EPHB4: variants seen among roughly 807,000 people sequenced by gnomAD.
EPHB4 encodes ephrin type-B receptor 4.
EPHB4 carries 50 observed loss-of-function variants against 110.6 expected under a neutral mutation model. That is an observed-to-expected ratio of 0.45 (90% CI 0.36 to 0.57). EPHB4 has a LOEUF of 0.57. EPHB4 is among the 20% of genes least tolerant of loss of function. The pLI is 0.00. For synonymous variants in EPHB4, 592 were observed against 578.4 expected (o/e 1.02, Z -0.34); for missense variants, 1,128 against 1,382.1 (o/e 0.82, Z 2.91).
At position 100,813,828 on chromosome 7, in the gene EPHB4, G is replaced by A. The variant is rs1813004080; in HGVS notation, c.1691+91C>T. The A allele has an allele frequency of 3.7e-6, 6 of 1,602,202 alleles. No individual in the cohort carries two copies. The South Asian group carries it at 4.4e-5, about 12-fold the overall frequency. On this transcript the variant is annotated intron_variant, in intron 9 of 16. Coordinates refer to ENST00000358173, the MANE Select transcript of EPHB4 (RefSeq NM_004444.5). The stretch of plus-strand genomic sequence containing the variant: ...AGAAGATTTCAAGTAAAAAGAGGCT[G>A]GGGACAGCCAGAAAGGCTTGTCCTG...
chr7:100,807,457 C>A lies in EPHB4; in HGVS notation c.2242G>T (p.Val748Phe). The change falls in exon 13 of 17, where the codon GTC becomes TTC. Residue 748 changes from valine to phenylalanine, a missense_variant. Coordinates refer to ENST00000358173, the MANE Select transcript of EPHB4 (RefSeq NM_004444.5). ...ACTTTGCAGACGAGGTTGCTGTTGA[C>A]TAGGATGTTGCGAGCAGCCAGGTCT... ...HRDLAARNILVNSNLVCKVSD... is the reference protein window; with the variant it reads ...HRDLAARNILFNSNLVCKVSD... 6.2e-7 allele frequency: 1 copy of A among 1,613,966 alleles called. No homozygotes were observed. The highest frequency in any genetic ancestry group is 8.5e-7 in the Non-Finnish European group (1 of 1,179,998).
chr7:100,805,140 C>A (rs367985931), intron 16 of EPHB4, 26 bp downstream of exon 16: 18 of 1,607,136 alleles, frequency 1.1e-5, no homozygotes, highest in Non-Finnish European at 1.5e-5. Context: ...TCTCCCAGCC[C>A]CACTCCAGCT....
At chr7:100,826,854 A>T in intron 1 of EPHB4, 125 bp downstream of exon 1, 1 of 825,158 alleles carries the variant, frequency 1.2e-6, no homozygotes, top group Non-Finnish European at 1.7e-6. Flanking sequence ...ATCGGTCCGA[A>T]GTGTTTGGGA....
In EPHB4 at chr7:100,823,701, G is replaced by A. The variant is rs200452203; in HGVS notation, c.354C>T (p.Ser118=). The change falls in exon 3 of 17, where the codon AGC becomes AGT. Residue 118 remains serine, a synonymous_variant. Transcript: ENST00000358173. ...TGAGGGCCGTGGCCGTGTCCGCATC[G>A]CTCTCATAGTAGAAGACGGTGAAGG... ...KETFTVFYYE[S]DADTATALTP... 13 of 1,613,546 alleles carry A rather than the reference G, an allele frequency of 8.1e-6. No homozygotes were observed. The East Asian group carries it at 1.3e-4, about 17-fold the overall frequency.
In EPHB4 at chr7:100,808,673, CTTGACCT is replaced by C. The variant is rs770441919; in HGVS notation, c.2119-1100_2119-1094del. On this transcript the variant is annotated intron_variant, in intron 12 of 16. Transcript: ENST00000358173. The stretch of plus-strand genomic sequence containing the variant: ...CAAAAACCAAGGTCTGAAGCCCAAC[CTTGACCT>C]TTAAAGAGTTTGCTCTCACCAGGGA... Among the ~76,000 whole-genome samples, 119 of 152,302 alleles carry C rather than the reference CTTGACCT, an allele frequency of 7.8e-4. 1 individual carries two copies. Among genetic ancestry groups the C allele is most frequent in the Non-Finnish European group, 1.4e-3 (94 of 68,032 alleles).
chr7:100,817,701 C>T (rs1001493373), intron 7 of EPHB4, among the ~76,000 whole-genome samples: 6 of 151,470 alleles, frequency 4.0e-5, no homozygotes, highest in Non-Finnish European at 7.4e-5. Context: ...GCTGATTTTG[C>T]TATTTGTAGT....
At chr7:100,817,769 T>C (rs898840743) in intron 7 of EPHB4, among the ~76,000 whole-genome samples, 1 of 151,812 alleles carries the variant, frequency 6.6e-6, no homozygotes, top group Non-Finnish European at 1.5e-5. Context: ...ACCCCAGGTG[T>C]TCTACCCACC....
intron 15 of EPHB4, 36 bp downstream of exon 15, chr7:100,805,465 G>C (rs1402410895): frequency 7.8e-6 from 12 of 1,530,682 alleles, no homozygotes; most frequent in Non-Finnish European, 9.7e-6. Context: ...TGGGGGCAGA[G>C]AGCGGGAAGG....
At chr7:100,803,614 G>T (rs777665533) in intron 16 of EPHB4, 24 bp from the exon 17 acceptor site, 13 of 1,583,226 alleles carry the variant, frequency 8.2e-6, no homozygotes, top group Non-Finnish European at 9.5e-6. Flanking sequence ...GGAGAGCTTG[G>T]TGAGACCCTA....
At chr7:100,825,177 CAGGAG>C (rs1813345767) in intron 1 of EPHB4, 1 of 152,058 alleles carries the variant, frequency 6.6e-6, no homozygotes, top group Non-Finnish European at 1.5e-5. Context: ...ATGGGAGCTG[CAGGAG>C]AGAAGAGAAA....
At chr7:100,816,122 C>T (rs562310857) in intron 8 of EPHB4, among the ~76,000 whole-genome samples, 10 of 145,950 alleles carry the variant, frequency 6.9e-5, no homozygotes, top group Non-Finnish European at 1.4e-4. Flanking sequence ...GCTGAGATCG[C>T]GCCACCGCAC....
chr7:100,817,254 G>C lies in EPHB4; in HGVS notation c.1526C>G (p.Ala509Gly), dbSNP rs146937374. Residue 509 changes from alanine to glycine, a missense_variant, in exon 8 of 17, where the codon GCG (alanine) becomes GGG (glycine). This residue lies in a region of EPHB4 where 728 missense variants were observed against 828.6 expected (regional missense o/e 0.88). Coordinates refer to ENST00000358173, the MANE Select transcript of EPHB4 (RefSeq NM_004444.5). ...RGASYLVQVR[A>G]RSEAGYGPFG... ...GGGCCCGTAGCCGGCCTCAGAGCGC[G>C]CCCGTACCTGCACCAGGTAGCTGGC... The C allele has an allele frequency of 1.5e-5, 24 of 1,606,396 alleles. No homozygotes were observed. Among genetic ancestry groups the C allele is most frequent in the Non-Finnish European group, 1.9e-5 (22 of 1,177,342 alleles).
Position 100,809,714 on chromosome 7 carries a change from A to C in EPHB4, c.2119-2134T>G, listed in dbSNP as rs370826832. The stretch of plus-strand genomic sequence containing the variant: ...TTTTGTGTAGAGACGGGGTTTCACC[A>C]TGTTGCCCAGGGTGATCTCTAACTC... On this transcript the variant is annotated intron_variant, in intron 12 of 16. Transcript: ENST00000358173. Among the ~76,000 whole-genome samples the C allele has an allele frequency of 1.2e-3, 178 of 152,112 alleles. 1 individual carries two copies. The highest frequency in any genetic ancestry group is 4.1e-3 in the African/African-American group (170 of 41,510).
Position 100,813,087 on chromosome 7 carries a change from G to A in EPHB4, c.1870+8C>T. The stretch of plus-strand genomic sequence containing the variant: ...TTCCCAGGTGCCCGGGCAGCCTTCG[G>A]CTCTCACCTGCACCAATCACCTCTT... On this transcript the variant is annotated splice_region_variant and intron_variant, in intron 11 of 16. Transcript: ENST00000358173. 6 of 1,613,398 alleles carry A rather than the reference G, an allele frequency of 3.7e-6. No individual in the cohort carries two copies. The highest frequency in any genetic ancestry group is 5.1e-6 in the Non-Finnish European group (6 of 1,180,010).
intron 1 of EPHB4, among the ~76,000 whole-genome samples, chr7:100,826,083 C>A (rs1262574082): frequency 1.3e-5 from 2 of 152,188 alleles, no homozygotes; most frequent in Non-Finnish European, 2.9e-5. Flanking sequence ...CACTTTCATA[C>A]CAGACAGAGA....
chr7:100,822,335 C>CT lies in EPHB4; in HGVS notation c.743dup (p.Pro249AlafsTer15). The CT allele has an allele frequency of 6.4e-7, 1 of 1,567,804 alleles. No individual in the cohort carries two copies. The highest frequency in any genetic ancestry group is 8.7e-7 in the Non-Finnish European group (1 of 1,155,176). ...GAGCACAGCTGCAGCCCGTGACCGG[C>CT]TGTTCGGCCCACTGGCCATCCTCAC... On this transcript the variant is annotated frameshift_variant, in exon 4 of 17. Transcript: ENST00000358173. LOFTEE classifies it high-confidence loss of function. This position sits in a 1 kb window ranked among gnomAD's most constrained non-coding sequence, Gnocchi z 4.7.
rs201416777 is a variant in EPHB4, at chr7:100,823,700, C to T, written c.355G>A (p.Asp119Asn). 1.2e-5 allele frequency: 19 copies of T among 1,613,588 alleles called. No individual in the cohort carries two copies. The highest frequency in any genetic ancestry group is 6.7e-5 in the East Asian group (3 of 44,878). ...GTGAGGGCCGTGGCCGTGTCCGCAT[C>T]GCTCTCATAGTAGAAGACGGTGAAG... Reference protein sequence around the residue: ...ETFTVFYYESDADTATALTPA... With the variant: ...ETFTVFYYESNADTATALTPA... Residue 119 changes from aspartate to asparagine, a missense_variant, in exon 3 of 17, where the codon GAT becomes AAT. Asp to Asn is a conservative substitution (Grantham distance 23). This residue lies in a region of EPHB4 where 728 missense variants were observed against 828.6 expected (regional missense o/e 0.88). Transcript: ENST00000358173.
rs1188366947 is a variant in EPHB4 at position 100,818,568 on chromosome 7, C to T, written c.1374G>A (p.Arg458=). ...SSLSLAWAVP[R]APSGAVLDYE... ...AGTCCAGCACAGCCCCACTGGGTGC[C>T]CGGGGAACAGCCCAGGCCAGGCTCA... The change falls in exon 7 of 17, where the codon CGG becomes CGA. Residue 458 remains arginine, a synonymous_variant. Transcript: ENST00000358173. 6.2e-7 allele frequency: 1 copy of T among 1,613,950 alleles called. No individual in the cohort carries two copies. Among genetic ancestry groups the T allele is most frequent in the Non-Finnish European group, 8.5e-7 (1 of 1,180,022 alleles).
At chr7:100,810,749 T>C (rs1027600774) in intron 12 of EPHB4, among the ~76,000 whole-genome samples, 1 of 151,764 alleles carries the variant, frequency 6.6e-6, no homozygotes, top group Admixed American at 6.6e-5. Flanking sequence ...GTTTCTAAAA[T>C]AAATAAATAA....
Sources: gnomAD v4.1 joint callset for allele counts (sites outside exome capture counted in the v4.1 genomes callset) on GRCh38, gnomAD v4.1.1 for gene constraint, gnomAD v4.1.1 regional missense constraint, Gnocchi (gnomAD v3.1) non-coding constraint, MANE v1.5 for transcripts, NCBI Gene and HGNC (gene_info 2026-07-23, HGNC 2026-07-21) for gene names.